The following HMGA2 variants were observed in gnomAD, a reference collection of about 807,000 sequenced individuals.
HMGA2 encodes the protein high mobility group protein HMGI-C.
HMGA2 carries 8 observed loss-of-function variants against 19.1 expected under a neutral mutation model. That is an observed-to-expected ratio of 0.42 (90% confidence interval 0.25 to 0.76). The LOEUF (loss-of-function observed/expected upper bound fraction) is 0.76, where lower values mean the gene tolerates loss of function less well. HMGA2 is among the 30% of genes least tolerant of loss of function. The pLI, the probability that HMGA2 is intolerant of heterozygous loss-of-function variation, is 0.28. For synonymous variants in HMGA2, 60 were observed against 48.8 expected (o/e 1.23, Z -0.96); for missense variants, 109 against 136.3 (o/e 0.80, Z 1.00).
chr12:65,925,726 C>T (rs975251893), intron 3 of HMGA2, among the ~76,000 whole-genome samples: 2 of 152,032 alleles, frequency 1.3e-5, no homozygotes, highest in East Asian at 1.9e-4. Context: ...TCATGTCAAG[C>T]GATCATTAAG....
intron 3 of HMGA2, among the ~76,000 whole-genome samples, chr12:65,844,310 A>G (rs1318824710): frequency 6.6e-6 from 1 of 152,214 alleles, no homozygotes; most frequent in African/African-American, 2.4e-5. Context: ...ATGCTTAGTA[A>G]TTAAATATAA....
chr12:65,847,909 A>C (rs535430332), intron 3 of HMGA2, among the ~76,000 whole-genome samples: 86 of 152,308 alleles, frequency 5.6e-4, no homozygotes, highest in Middle Eastern at 6.8e-3. Flanking sequence ...TGTGGATTTG[A>C]ATTACATTCT....
At chr12:65,884,030 T>A in intron 3 of HMGA2, among the ~76,000 whole-genome samples, 1 of 152,256 alleles carries the variant, frequency 6.6e-6, no homozygotes, top group Non-Finnish European at 1.5e-5. Flanking sequence ...CACGCCCAGC[T>A]AATTTTTGTG....
At position 65,865,435 on chromosome 12, in the gene HMGA2, T is replaced by A. The variant is rs148870623; in HGVS notation, c.249+26866T>A. Among the ~76,000 whole-genome samples, 485 of 152,280 alleles carry A rather than the reference T, an allele frequency of 3.2e-3. 1 individual carries two copies. The highest frequency in any genetic ancestry group is 5.3e-3 in the Non-Finnish European group (363 of 68,020). Reference sequence around the variant, plus strand: ...AAGTACTTAGTAATAATTGAACATATGTACAGTAAAAATATTATAGCTGTT... The same window carrying A: ...AAGTACTTAGTAATAATTGAACATAAGTACAGTAAAAATATTATAGCTGTT... On this transcript the variant is annotated intron_variant, in intron 3 of 4. Coordinates refer to ENST00000403681, the MANE Select transcript of HMGA2 (RefSeq NM_003483.6).
At position 65,915,077 on chromosome 12, in the gene HMGA2, A is replaced by G. The variant is rs888426051; in HGVS notation, c.250-36306A>G. The G allele has an allele frequency of 2.5e-6, 4 of 1,613,792 alleles. No individual in the cohort carries two copies. The Admixed American group carries it at 5.0e-5, about 20-fold the overall frequency. Reference sequence around the variant, plus strand: ...TCCACAGGACAATCTACTACCAAGAACCAGCTCCAAGAAGAAAACATCTCT... The same window carrying G: ...TCCACAGGACAATCTACTACCAAGAGCCAGCTCCAAGAAGAAAACATCTCT... On this transcript the variant is annotated intron_variant, in intron 3 of 4. Coordinates refer to ENST00000403681, the MANE Select transcript of HMGA2 (RefSeq NM_003483.6).
At chr12:65,846,356 C>T (rs1311149201) in intron 3 of HMGA2, among the ~76,000 whole-genome samples, 1 of 152,170 alleles carries the variant, frequency 6.6e-6, no homozygotes, top group African/African-American at 2.4e-5. Flanking sequence ...CAAATCTATG[C>T]TTACATTAGA....
chr12:65,831,941 C>T (rs545709709), intron 2 of HMGA2, among the ~76,000 whole-genome samples: 1 of 151,832 alleles, frequency 6.6e-6, no homozygotes, highest in Admixed American at 6.6e-5. Context: ...TCATATAATT[C>T]TGGCCTATGG....
Position 65,885,775 on chromosome 12 carries a change from G to T in HMGA2, c.249+47206G>T, listed in dbSNP as rs1565721369. ...AATAATAACAACAATGATAAGAAAA[G>T]ATTTTTATAACCAATGACTTTGAGA... is the stretch of plus-strand genomic sequence containing the variant. On this transcript the variant is annotated intron_variant, in intron 3 of 4. Coordinates refer to ENST00000403681, the MANE Select transcript of HMGA2 (RefSeq NM_003483.6). Among the ~76,000 whole-genome samples, 19 of 152,258 alleles carry T rather than the reference G, an allele frequency of 1.2e-4. No homozygotes were observed. In the South Asian group the frequency reaches 3.7e-3, roughly 30 times the overall value.
chr12:65,932,355 TA>T (rs1875743945), intron 3 of HMGA2, among the ~76,000 whole-genome samples: 1 of 152,250 alleles, frequency 6.6e-6, no homozygotes, highest in Non-Finnish European at 1.5e-5. Context: ...TTTCTCTTGA[TA>T]ATGTTTGATT....
At position 65,865,943 on chromosome 12, in the gene HMGA2, T is replaced by A. The variant is rs559404072; in HGVS notation, c.249+27374T>A. ...AGGCATGAGCCACCACGCCTAGCCA[T>A]CCCCATCTATTTTTCACTAATATTC... On this transcript the variant is annotated intron_variant, in intron 3 of 4. Transcript: ENST00000403681. Among the ~76,000 whole-genome samples the A allele has an allele frequency of 4.6e-5, 7 of 151,952 alleles. 1 individual carries two copies. The South Asian group carries it at 1.5e-3, about 32-fold the overall frequency.
At chr12:65,901,634 C>T (rs1874376114) in intron 3 of HMGA2, among the ~76,000 whole-genome samples, 1 of 152,118 alleles carries the variant, frequency 6.6e-6, no homozygotes, top group African/African-American at 2.4e-5. Flanking sequence ...ATTTTATTAT[C>T]ACTTGTCAAT....
At chr12:65,827,375 G>T (rs1378868318) in intron 1 of HMGA2, among the ~76,000 whole-genome samples, 3 of 152,192 alleles carry the variant, frequency 2.0e-5, no homozygotes, top group Non-Finnish European at 4.4e-5. Flanking sequence ...TTAACTAGAT[G>T]ATTCAAGCAA....
In HMGA2 at chr12:65,848,862, C is replaced by CA. The variant is rs576419701; in HGVS notation, c.249+10306dup. Among the ~76,000 whole-genome samples, 866 of 136,968 alleles carry CA rather than the reference C, an allele frequency of 6.3e-3. 1 individual carries two copies. The highest frequency in any genetic ancestry group is 0.019 in the Middle Eastern group (5 of 262). 89.9% of individuals were successfully genotyped at this position (136,968 alleles called of 152,430 possible). ...TGGGCGACAGAGCGAGACTCCGTCT[C>CA]AAAAAAAAAAAAAGTTTAAGCATTA... On this transcript the variant is annotated intron_variant, in intron 3 of 4. Transcript: ENST00000403681.
intron 3 of HMGA2, among the ~76,000 whole-genome samples, chr12:65,934,098 G>A (rs1227592862): frequency 6.6e-6 from 1 of 152,052 alleles, no homozygotes; most frequent in African/African-American, 2.4e-5. Context: ...CAAAGAATAG[G>A]GAATTCTCAC....
At chr12:65,861,052 C>T (rs1160493082) in intron 3 of HMGA2, among the ~76,000 whole-genome samples, 2 of 152,080 alleles carry the variant, frequency 1.3e-5, no homozygotes, top group East Asian at 3.8e-4. Flanking sequence ...AAGAAAAAAA[C>T]GTGTCTATGA....
chr12:65,943,043 TC>T (rs1396540933), intron 3 of HMGA2, among the ~76,000 whole-genome samples: 11 of 152,174 alleles, frequency 7.2e-5, no homozygotes, highest in African/African-American at 2.7e-4. Flanking sequence ...TGAGCACGCC[TC>T]CCCGCACTTA....
Position 65,963,267 on chromosome 12 carries a change from C to G in HMGA2, c.305C>G (p.Ser102Ter). The G allele has an allele frequency of 6.2e-7, 1 of 1,613,730 alleles. No homozygotes were observed. Among genetic ancestry groups the G allele is most frequent in the South Asian group, 1.1e-5 (1 of 91,054 alleles). Reference sequence around the variant, plus strand: ...CAGGAGGAAACTGAAGAGACATCCTCACAAGAGTCTGCCGAAGAGGACTAG... The same window carrying G: ...CAGGAGGAAACTGAAGAGACATCCTGACAAGAGTCTGCCGAAGAGGACTAG... ...PAQEETEETS[S>*]QESAEED The change falls in exon 5 of 5, where the codon TCA (serine) becomes TGA (stop). Residue 102 changes from serine (S) to a stop codon, truncating the protein, a stop_gained. Transcript: ENST00000403681. LOFTEE classifies it high-confidence loss of function.
intron 3 of HMGA2, among the ~76,000 whole-genome samples, chr12:65,860,645 A>G (rs1872010034): frequency 6.6e-6 from 1 of 152,226 alleles, no homozygotes; most frequent in Non-Finnish European, 1.5e-5. Context: ...ATACGTGGCT[A>G]GGCTACTCAG....
At chr12:65,933,261 C>G (rs1012587304) in intron 3 of HMGA2, among the ~76,000 whole-genome samples, 1 of 152,118 alleles carries the variant, frequency 6.6e-6, no homozygotes, top group Non-Finnish European at 1.5e-5. Context: ...TTCCGTGCTT[C>G]GTAAACATGG....
Sources: allele counts gnomAD v4.1 joint callset (sites outside exome capture counted in the v4.1 genomes callset), GRCh38; gene constraint gnomAD v4.1.1; transcripts MANE v1.5; gene names NCBI Gene and HGNC (gene_info 2026-07-23, HGNC 2026-07-21).